BNC2: variants seen among roughly 807,000 people sequenced by gnomAD.
BNC2 encodes the protein zinc finger protein basonuclin-2.
BNC2 carries 20 observed loss-of-function variants against 76.3 expected under a neutral mutation model. The observed-to-expected ratio is 0.26, with a 90% CI of 0.18 to 0.38. BNC2 has a LOEUF of 0.38. Among genes scored for constraint, BNC2 ranks in the 10% least tolerant of loss-of-function variants. BNC2 has a pLI of 1.00. For synonymous variants in BNC2, 582 were observed against 514.8 expected, an observed-to-expected ratio of 1.13 and a Z score of -1.77; for missense variants, 1,382 against 1,399.8, an observed-to-expected ratio of 0.99 and a Z score of 0.20.
chr9:16,526,662 C>T (rs1817813474), intron 5 of BNC2, among the ~76,000 whole-genome samples: 1 of 151,938 alleles, frequency 6.6e-6, no homozygotes, highest in African/African-American at 2.4e-5. Context: ...GCACAGTATA[C>T]AGTAGACAAT....
chr9:16,602,348 T>C (rs1286866675), intron 3 of BNC2, among the ~76,000 whole-genome samples: 3 of 152,238 alleles, frequency 2.0e-5, no homozygotes, highest in Non-Finnish European at 2.9e-5. Flanking sequence ...GAGATTTTCA[T>C]AGGTAACTTA....
chr9:16,770,998 C>G (rs889439379), intron 1 of BNC2, among the ~76,000 whole-genome samples: 33 of 152,068 alleles, frequency 2.2e-4, no homozygotes, highest in Admixed American at 7.2e-4. Context: ...TGGCGAAACC[C>G]CTCTCTACTA....
Position 16,418,914 on chromosome 9 carries a change from G to C in BNC2, c.*75C>G. The stretch of plus-strand genomic sequence containing the variant: ...ACACACACACACCCCAAGTACATAA[G>C]CGCACACTGACTATGGCAGTTCAAA... On this transcript the variant is annotated 3_prime_UTR_variant, in exon 7 of 7. Transcript: ENST00000380672. 2 of 1,470,320 alleles carry C rather than the reference G, an allele frequency of 1.4e-6. No individual in the cohort carries two copies. The highest frequency in any genetic ancestry group is 2.3e-5 in the South Asian group (2 of 86,128). 91.1% of individuals were successfully genotyped at this position (1,470,320 alleles called of 1,614,324 possible).
chr9:16,640,704 A>C (rs1003069), intron 3 of BNC2, among the ~76,000 whole-genome samples: 63,378 of 151,962 alleles, frequency 0.42, 13,545 homozygotes, highest in East Asian at 0.55. Context: ...TGATAACCCT[A>C]TACACCCTTC....
chr9:16,509,106 G>A (rs775818513), intron 5 of BNC2, among the ~76,000 whole-genome samples: 24 of 151,932 alleles, frequency 1.6e-4, no homozygotes, highest in Non-Finnish European at 3.2e-4. Flanking sequence ...GATTACAACC[G>A]TAAGCCACCA....
chr9:16,455,720 A>C (rs1821433776), intron 5 of BNC2, among the ~76,000 whole-genome samples: 1 of 151,858 alleles, frequency 6.6e-6, no homozygotes, highest in Non-Finnish European at 1.5e-5. Context: ...TGAACCCAGG[A>C]GATGGAGGTT....
intron 1 of BNC2, among the ~76,000 whole-genome samples, chr9:16,776,169 C>T (rs569278660): frequency 1.3e-5 from 2 of 151,378 alleles, no homozygotes; most frequent in Non-Finnish European, 2.9e-5. Context: ...GAGGGAGTTT[C>T]GCTCTTGTCG....
intron 3 of BNC2, among the ~76,000 whole-genome samples, chr9:16,601,313 A>T: frequency 6.6e-6 from 1 of 152,080 alleles, no homozygotes; most frequent in African/African-American, 2.4e-5. Context: ...TACCTCGGGC[A>T]CCTCATTTGG....
chr9:16,821,168 G>C (rs1419721954), intron 1 of BNC2, among the ~76,000 whole-genome samples: 1 of 151,496 alleles, frequency 6.6e-6, no homozygotes, highest in African/African-American at 2.4e-5. Context: ...AGGAGGCGGA[G>C]GTTGCAGTGA....
At chr9:16,513,998 A>AAT (rs1822819756) in intron 5 of BNC2, among the ~76,000 whole-genome samples, 1 of 152,132 alleles carries the variant, frequency 6.6e-6, no homozygotes, top group African/African-American at 2.4e-5. Flanking sequence ...TATTAGCAAG[A>AAT]ATATTATTAG....
rs749415994 is a variant in BNC2 at position 16,552,785 on chromosome 9, G to A, written c.434-20C>T. The A allele has an allele frequency of 2.5e-6, 4 of 1,594,038 alleles. No individual in the cohort carries two copies. The South Asian group carries it at 4.4e-5, about 18-fold the overall frequency. The stretch of plus-strand genomic sequence containing the variant: ...CCAAGGCTGTGGTGGTCCCGCCAAA[G>A]TTCCAGAGATGGGGGTGTTGGGAAT... On this transcript the variant is annotated intron_variant, in intron 4 of 6. Coordinates refer to ENST00000380672, the MANE Select transcript of BNC2 (RefSeq NM_017637.6).
chr9:16,494,320 T>C (rs1453987917), intron 5 of BNC2, among the ~76,000 whole-genome samples: 1 of 151,798 alleles, frequency 6.6e-6, no homozygotes, highest in Non-Finnish European at 1.5e-5. Flanking sequence ...GCCCAGCTAA[T>C]TTTTATATTT....
chr9:16,713,843 G>A lies in BNC2; in HGVS notation c.330+13954C>T, dbSNP rs540586026. On this transcript the variant is annotated intron_variant, in intron 3 of 6. Transcript: ENST00000380672. ...TAATCCCAGCACTTTGGGAGGCTGA[G>A]GTGGGCAGATCGCTTGAGCTCAGGA... is the stretch of plus-strand genomic sequence containing the variant. 7.9e-5 allele frequency among the ~76,000 whole-genome samples: 12 copies of A among 152,320 alleles called. No individual in the cohort carries two copies. In the South Asian group the frequency reaches 2.5e-3, roughly 32 times the overall value.
chr9:16,660,923 T>G (rs1206437632), intron 3 of BNC2, among the ~76,000 whole-genome samples: 3 of 152,200 alleles, frequency 2.0e-5, no homozygotes, highest in African/African-American at 7.2e-5. Context: ...TAATGCCATT[T>G]ATAAGGAACT....
At chr9:16,559,073 G>T (rs1818930289) in intron 4 of BNC2, among the ~76,000 whole-genome samples, 1 of 152,098 alleles carries the variant, frequency 6.6e-6, no homozygotes, top group African/African-American at 2.4e-5. Context: ...ATCTTATACG[G>T]ATTTACAAAG....
chr9:16,734,369 G>T (rs1367273295), intron 2 of BNC2, among the ~76,000 whole-genome samples: 1 of 152,164 alleles, frequency 6.6e-6, no homozygotes, highest in African/African-American at 2.4e-5. Context: ...AATTCAAAGT[G>T]CTCTTAAGGG....
intron 1 of BNC2, among the ~76,000 whole-genome samples, chr9:16,821,911 G>T (rs1334027459): frequency 1.3e-5 from 2 of 152,020 alleles, no homozygotes; most frequent in African/African-American, 4.8e-5. Flanking sequence ...GGCTAACACG[G>T]TGAAACCCTG....
chr9:16,756,728 G>A (rs906342605), intron 1 of BNC2, among the ~76,000 whole-genome samples: 4 of 152,160 alleles, frequency 2.6e-5, no homozygotes, highest in Non-Finnish European at 5.9e-5. Context: ...AGGGGCTCAC[G>A]CCTATAATCC....
chr9:16,502,765 G>A (rs1044069101), intron 5 of BNC2, among the ~76,000 whole-genome samples: 1 of 152,176 alleles, frequency 6.6e-6, no homozygotes, highest in Non-Finnish European at 1.5e-5. Flanking sequence ...TCAAAAGATT[G>A]TATCAACAGT....
Sources: gnomAD v4.1 joint callset for allele counts (sites outside exome capture counted in the v4.1 genomes callset) on GRCh38, gnomAD v4.1.1 for gene constraint, MANE v1.5 for transcripts, NCBI Gene and HGNC (gene_info 2026-07-23, HGNC 2026-07-21) for gene names.